The following FDFT1 variants were observed in gnomAD, a reference collection of about 807,000 sequenced individuals.
FDFT1 encodes farnesyl-diphosphate farnesyltransferase 1.
In FDFT1, 68 loss-of-function variants were observed where a neutral mutation model predicts 46.8. That is an observed-to-expected ratio of 1.45 (90% CI 1.19 to 1.78). The LOEUF is 1.78. Ranked by LOEUF, FDFT1 falls within the 40% of genes most tolerant of loss-of-function variation. FDFT1 has a pLI of 0.00. For missense variants in FDFT1, 928 were observed against 524.4 expected (o/e 1.77, Z -7.52); for synonymous variants, 351 against 185.1 (o/e 1.90, Z -7.28).
At chr8:11,819,040 C>T (rs1273071169) in intron 3 of FDFT1, among the ~76,000 whole-genome samples, 1 of 152,148 alleles carries the variant, frequency 6.6e-6, no homozygotes, top group African/African-American at 2.4e-5. Flanking sequence ...TCTTTTAGGG[C>T]AGGCCTGGTG....
At chr8:11,815,240 G>T (rs781271477) in intron 3 of FDFT1, among the ~76,000 whole-genome samples, 1 of 152,138 alleles carries the variant, frequency 6.6e-6, no homozygotes, top group African/African-American at 2.4e-5. Context: ...TGGTGTATAT[G>T]TGCCACATTT....
At chr8:11,832,955 C>A (rs536926762) in intron 7 of FDFT1, among the ~76,000 whole-genome samples, 1 of 152,292 alleles carries the variant, frequency 6.6e-6, no homozygotes, top group South Asian at 2.1e-4. Flanking sequence ...GTGTTTTCAT[C>A]TAAATAGAAT....
intron 1 of FDFT1, among the ~76,000 whole-genome samples, chr8:11,805,975 A>C (rs530123576): frequency 6.6e-6 from 1 of 152,292 alleles, no homozygotes; most frequent in Admixed American, 6.5e-5. Context: ...AATGGTGGTT[A>C]TCAATCTGAT....
chr8:11,824,231 A>G (rs960655048), intron 4 of FDFT1, among the ~76,000 whole-genome samples: 3 of 151,992 alleles, frequency 2.0e-5, no homozygotes, highest in African/African-American at 7.3e-5. Flanking sequence ...GTTAACTAAT[A>G]GACAATTATT....
chr8:11,815,643 ATGTCTGT>A (rs1808341743), intron 3 of FDFT1, among the ~76,000 whole-genome samples: 1 of 152,080 alleles, frequency 6.6e-6, no homozygotes, highest in Non-Finnish European at 1.5e-5. Flanking sequence ...ATTTCTTCAT[ATGTCTGT>A]TGGCTGCATA....
chr8:11,824,821 C>T (rs149699649), intron 4 of FDFT1, among the ~76,000 whole-genome samples: 5 of 152,098 alleles, frequency 3.3e-5, no homozygotes, highest in African/African-American at 7.2e-5. Flanking sequence ...CTGCAAGCTC[C>T]ACCTCCTGGG....
intron 5 of FDFT1, among the ~76,000 whole-genome samples, chr8:11,828,730 G>C (rs1449974782): frequency 6.6e-6 from 1 of 152,256 alleles, no homozygotes; most frequent in African/African-American, 2.4e-5. Flanking sequence ...CTTAGTAAAG[G>C]TTCTGGACAT....
At chr8:11,808,229 A>G (rs1480275381) in intron 1 of FDFT1, 1 of 1,178,756 alleles carries the variant, frequency 8.5e-7, no homozygotes, top group East Asian at 3.7e-5. Context: ...GAGCCCGAGT[A>G]GAGTTTGGTC....
chr8:11,804,600 C>CTTTTTTTTTTTTTTTT (rs5889385), intron 1 of FDFT1, among the ~76,000 whole-genome samples: 1 of 97,354 alleles, frequency 1.0e-5, no homozygotes, highest in Non-Finnish European at 1.9e-5. Flanking sequence ...CTTAGTTTCT[C>CTTTTTTTTTTTTTTTT]TTTTTTTTTT....
chr8:11,830,360 C>G lies in FDFT1; in HGVS notation c.819C>G (p.Val273=). 2.5e-6 allele frequency: 4 copies of G among 1,613,872 alleles called. No homozygotes were observed. Among genetic ancestry groups the G allele is most frequent in the Non-Finnish European group, 3.4e-6 (4 of 1,179,812 alleles). Residue 273 remains valine (V), a synonymous_variant, in exon 6 of 8, where the codon GTC becomes GTG. Transcript: ENST00000220584. ...ITNALHHIPD[V]ITYLSRLRNQ... is the part of the protein sequence containing the mutation. Reference sequence around the variant, plus strand: ...ATGCACTGCACCACATCCCAGATGTCATCACCTACCTTTCGAGACTCAGAA... The same window carrying G: ...ATGCACTGCACCACATCCCAGATGTGATCACCTACCTTTCGAGACTCAGAA...
upstream of FDFT1, chr8:11,802,631 C>A (rs375224673): frequency 1.7e-6 from 1 of 592,296 alleles, no homozygotes; most frequent in Non-Finnish European, 3.0e-6. Flanking sequence ...CGTCAGCCCA[C>A]CCCACGAGGC....
In FDFT1 at chr8:11,802,755, A is replaced by C. The variant is rs1806289805; in HGVS notation, c.-78A>C. ...GCCAGCCCCTCGAAGCACCTACTCCACAGGTCCAGCCGGCCGGTGAGCGCC... is the reference window on the plus strand; with the variant it reads ...GCCAGCCCCTCGAAGCACCTACTCCCCAGGTCCAGCCGGCCGGTGAGCGCC... On this transcript the variant is annotated 5_prime_UTR_variant, in exon 1 of 8. Transcript: ENST00000220584. The C allele has an allele frequency of 8.6e-7, 1 of 1,158,898 alleles. No individual in the cohort carries two copies. Among genetic ancestry groups the C allele is most frequent in the Non-Finnish European group, 1.3e-6 (1 of 789,486 alleles). 71.8% of individuals were successfully genotyped at this position (1,158,898 alleles called of 1,614,324 possible).
chr8:11,829,420 G>C (rs1810466073), intron 5 of FDFT1, among the ~76,000 whole-genome samples: 1 of 152,214 alleles, frequency 6.6e-6, no homozygotes, highest in Admixed American at 6.5e-5. Context: ...TCAGGATCCA[G>C]GGAGGTGTAA....
In FDFT1 at chr8:11,830,322, G is replaced by C. The variant is rs1298643514; in HGVS notation, c.781G>C (p.Glu261Gln). Residue 261 changes from glutamate to glutamine, a missense_variant, in exon 6 of 8, where the codon GAA becomes CAA. Glu to Gln is a conservative substitution (Grantham distance 29). Transcript: ENST00000220584. ...NIDLAVQCLN[E>Q]LITNALHHIP... ...TGACTTGGCCGTGCAGTGCCTGAAT[G>C]AACTTATAACCAATGCACTGCACCA... is the stretch of plus-strand genomic sequence containing the variant. 6.2e-7 allele frequency: 1 copy of C among 1,613,506 alleles called. No homozygotes were observed.
chr8:11,808,602 C>T, intron 1 of FDFT1, 192 bp from the exon 2 acceptor site: 2 of 1,391,932 alleles, frequency 1.4e-6, no homozygotes, highest in Non-Finnish European at 1.9e-6. Flanking sequence ...GCCCAGGGGC[C>T]CGGGCGCAGG....
upstream of FDFT1, among the ~76,000 whole-genome samples, chr8:11,797,659 AAG>A (rs1554511998): frequency 8.7e-4 from 131 of 150,586 alleles, 2 homozygotes; most frequent in East Asian, 0.021. Flanking sequence ...AAAAAAAAAA[AAG>A]AAACAAACAA....
chr8:11,806,196 C>A (rs747433069), intron 1 of FDFT1, among the ~76,000 whole-genome samples: 67 of 152,098 alleles, frequency 4.4e-4, no homozygotes, highest in Admixed American at 2.6e-4. Context: ...CCTCTAAATT[C>A]CCTCCATCCC....
Position 11,802,751 on chromosome 8 carries a change from CTCCA to C in FDFT1, c.-81_-78del, listed in dbSNP as rs1472482745. The stretch of plus-strand genomic sequence containing the variant: ...TCCGGCCAGCCCCTCGAAGCACCTA[CTCCA>C]CAGGTCCAGCCGGCCGGTGAGCGCC... On this transcript the variant is annotated 5_prime_UTR_variant, in exon 1 of 8. Coordinates refer to ENST00000220584, the MANE Select transcript of FDFT1 (RefSeq NM_004462.5). The C allele has an allele frequency of 9.1e-7, 1 of 1,102,080 alleles. No homozygotes were observed. Among genetic ancestry groups the C allele is most frequent in the Admixed American group, 2.0e-5 (1 of 50,058 alleles). 68.3% of individuals were successfully genotyped at this position (1,102,080 alleles called of 1,614,324 possible). A position where few individuals can be genotyped will look rare whatever the true frequency, so the allele number is the denominator to read the frequency against.
intron 5 of FDFT1, among the ~76,000 whole-genome samples, chr8:11,829,069 C>G (rs560459013): frequency 1.3e-4 from 20 of 152,312 alleles, no homozygotes; most frequent in African/African-American, 4.3e-4. Flanking sequence ...TTGTGAGGAG[C>G]TGCCAGACGC....
Sources: allele counts gnomAD v4.1 joint callset (sites outside exome capture counted in the v4.1 genomes callset), GRCh38; gene constraint gnomAD v4.1.1; transcripts MANE v1.5; gene names NCBI Gene and HGNC (gene_info 2026-07-23, HGNC 2026-07-21).